The following BLM variants were observed in gnomAD, a reference collection of about 807,000 sequenced individuals.
BLM encodes BLM RecQ like helicase.
In BLM, 95 loss-of-function variants were observed where a neutral mutation model predicts 135.3. The observed-to-expected ratio is 0.70, with a 90% CI of 0.59 to 0.83. The LOEUF (loss-of-function observed/expected upper bound fraction) is 0.83. BLM is among the 40% of genes least tolerant of loss of function. The probability of loss-of-function intolerance (pLI) is 0.00; values close to 1 mark genes in which losing one functional copy is unlikely to be tolerated. For missense variants in BLM, 1,518 were observed against 1,663.9 expected (o/e 0.91, Z 1.53); for synonymous variants, 520 against 589.2 (o/e 0.88, Z 1.70).
chr15:90,748,283 T>C (rs999441809), intron 2 of BLM, among the ~76,000 whole-genome samples: 2 of 151,940 alleles, frequency 1.3e-5, no homozygotes, highest in African/African-American at 4.8e-5. Flanking sequence ...TAATTTTGTA[T>C]TTTTAGTAGA....
At chr15:90,750,634 C>T (rs1049553061) in intron 3 of BLM, among the ~76,000 whole-genome samples, 3 of 152,292 alleles carry the variant, frequency 2.0e-5, no homozygotes, top group African/African-American at 7.2e-5. Context: ...CTCTCTTCAT[C>T]TCATCATATA....
chr15:90,798,254 G>A lies in BLM; in HGVS notation c.3275G>A (p.Ser1092Asn). ...ATTGTAAGATTTGTTCAAGAACATAGTTCATCACAAGGAATGAGAAATATA... is the reference window on the plus strand; with the variant it reads ...ATTGTAAGATTTGTTCAAGAACATAATTCATCACAAGGAATGAGAAATATA... ...KSIVRFVQEHSSSQGMRNIKH... is the reference protein window; with the variant it reads ...KSIVRFVQEHNSSQGMRNIKH... The change falls in exon 17 of 22, where the codon AGT (serine) becomes AAT (asparagine). Residue 1092 changes from serine to asparagine, a missense_variant. Physicochemically the swap from Ser to Asn is conservative, Grantham distance 46. Around this residue, in one of 5 missense-constraint regions of BLM, gnomAD observed 626 missense variants for 681.1 expected, o/e 0.92. Coordinates refer to ENST00000355112, the MANE Select transcript of BLM (RefSeq NM_000057.4). 1 of 1,611,724 alleles carries A rather than the reference G, an allele frequency of 6.2e-7. No individual in the cohort carries two copies. Among genetic ancestry groups the A allele is most frequent in the Non-Finnish European group, 8.5e-7 (1 of 1,178,222 alleles).
chr15:90,737,895 T>TA (rs1227508670), intron 1 of BLM, among the ~76,000 whole-genome samples: 4 of 151,820 alleles, frequency 2.6e-5, no homozygotes, highest in Non-Finnish European at 2.9e-5. Flanking sequence ...TTTGAAATGA[T>TA]AAAAAAATTG....
intron 1 of BLM, among the ~76,000 whole-genome samples, chr15:90,744,181 A>G (rs7162960): frequency 0.31 from 47,025 of 151,968 alleles, 9,307 homozygotes; most frequent in African/African-American, 0.57. Flanking sequence ...GCTTAGTGTC[A>G]TTAAGACTGA....
intron 4 of BLM, among the ~76,000 whole-genome samples, chr15:90,753,997 A>G (rs1483522026): frequency 6.6e-6 from 1 of 152,230 alleles, no homozygotes; most frequent in Non-Finnish European, 1.5e-5. Context: ...TGCATTCCAA[A>G]ATTATTCTTT....
intron 1 of BLM, among the ~76,000 whole-genome samples, chr15:90,720,085 C>A (rs1218574359): frequency 6.6e-6 from 1 of 152,122 alleles, no homozygotes; most frequent in Admixed American, 6.6e-5. Flanking sequence ...TTTCCTTAAT[C>A]TGGGAAGCCA....
intron 12 of BLM, among the ~76,000 whole-genome samples, chr15:90,774,463 C>T (rs1240049919): frequency 6.6e-6 from 1 of 151,998 alleles, no homozygotes; most frequent in Non-Finnish European, 1.5e-5. Context: ...TTTTTTATTA[C>T]AGCTATATGA....
intron 5 of BLM, among the ~76,000 whole-genome samples, chr15:90,758,082 G>A (rs140313740): frequency 7.2e-5 from 11 of 151,918 alleles, no homozygotes; most frequent in South Asian, 4.1e-4. Context: ...GTTTCGCCAC[G>A]TTGACCAGGC....
At chr15:90,770,687 A>C (rs867811520) in intron 12 of BLM, among the ~76,000 whole-genome samples, 12 of 152,224 alleles carry the variant, frequency 7.9e-5, no homozygotes, top group Non-Finnish European at 1.5e-4. Flanking sequence ...TGAAGGAGTA[A>C]TGACTGAATT....
At chr15:90,760,343 T>C in intron 6 of BLM, 64 bp downstream of exon 6, 3 of 1,600,382 alleles carry the variant, frequency 1.9e-6, no homozygotes, top group Middle Eastern at 2.1e-4. Flanking sequence ...AAGTGAAAAA[T>C]GGACAGGGCA....
chr15:90,773,169 C>G (rs1896372448), intron 12 of BLM, among the ~76,000 whole-genome samples: 1 of 151,306 alleles, frequency 6.6e-6, no homozygotes, highest in African/African-American at 2.4e-5. Context: ...GCTGTAATCC[C>G]AGCACTTTGG....
rs1386123223 is a variant in BLM, at chr15:90,815,299, A to G, written c.*20A>G. On this transcript the variant is annotated 3_prime_UTR_variant, in exon 22 of 22. Coordinates refer to ENST00000355112, the MANE Select transcript of BLM (RefSeq NM_000057.4). This position sits in a 1 kb window ranked among gnomAD's most constrained non-coding sequence, Gnocchi z 4.6. Reference sequence around the variant, plus strand: ...TCATAACAACCGAATCTCAATGTACATAGACCCTCTTTCTTGTTTGTCAGC... The same window carrying G: ...TCATAACAACCGAATCTCAATGTACGTAGACCCTCTTTCTTGTTTGTCAGC... 1.2e-6 allele frequency: 2 copies of G among 1,609,704 alleles called. No individual in the cohort carries two copies. Among genetic ancestry groups the G allele is most frequent in the Admixed American group, 1.7e-5 (1 of 59,992 alleles).
At chr15:90,726,487 C>G (rs904573400) in intron 1 of BLM, among the ~76,000 whole-genome samples, 2 of 152,138 alleles carry the variant, frequency 1.3e-5, no homozygotes, top group Non-Finnish European at 2.9e-5. Flanking sequence ...AGGCTGATCT[C>G]AAACTCCTGA....
In BLM at chr15:90,765,784, A is replaced by T. The variant is rs542066114; in HGVS notation, c.2193+370A>T. Among the ~76,000 whole-genome samples, 29 of 152,252 alleles carry T rather than the reference A, an allele frequency of 1.9e-4. No individual in the cohort carries two copies. In the South Asian group the frequency reaches 6.0e-3, roughly 32 times the overall value. ...CATATATCTTTTTTTCTCATGGCTG[A>T]GTTTAAGGAAGTAAATGAATGCATT... On this transcript the variant is annotated intron_variant, in intron 9 of 21. Transcript: ENST00000355112.
chr15:90,806,533 T>G (rs900002902), intron 19 of BLM, among the ~76,000 whole-genome samples: 12 of 149,914 alleles, frequency 8.0e-5, no homozygotes, highest in Admixed American at 3.3e-4. Flanking sequence ...AAAAAAAGTC[T>G]GCAATGAAGA....
chr15:90,766,505 G>A (rs1896130515), intron 9 of BLM, among the ~76,000 whole-genome samples: 1 of 152,078 alleles, frequency 6.6e-6, no homozygotes, highest in African/African-American at 2.4e-5. Context: ...TTGGCTCACT[G>A]CAACCTCTGC....
chr15:90,762,868 A>G, intron 7 of BLM, 98 bp from the exon 8 acceptor site: 1 of 1,116,546 alleles, frequency 9.0e-7, no homozygotes, highest in Non-Finnish European at 1.3e-6. Context: ...GCTGCAGGGA[A>G]ACGTGTGCCA....
At chr15:90,785,404 C>T (rs1265916164) in intron 14 of BLM, among the ~76,000 whole-genome samples, 1 of 152,124 alleles carries the variant, frequency 6.6e-6, no homozygotes, top group Non-Finnish European at 1.5e-5. Context: ...AAAGAAACCT[C>T]ATACCCAGTC....
At chr15:90,738,487 C>A (rs1023909115) in intron 1 of BLM, among the ~76,000 whole-genome samples, 1 of 151,928 alleles carries the variant, frequency 6.6e-6, no homozygotes, top group Non-Finnish European at 1.5e-5. Context: ...GGTGGGAGGA[C>A]CACTTGAGCC....
Sources: allele counts gnomAD v4.1 joint callset (sites outside exome capture counted in the v4.1 genomes callset), GRCh38; gene constraint gnomAD v4.1.1; regional missense constraint gnomAD v4.1.1; non-coding constraint Gnocchi (gnomAD v3.1); transcripts MANE v1.5; gene names NCBI Gene and HGNC (gene_info 2026-07-23, HGNC 2026-07-21).